Variants in SYT9 observed in about 807,000 individuals in gnomAD.
The protein encoded by SYT9 is synaptotagmin 9.
SYT9 carries 22 observed loss-of-function variants against 48.4 expected under a neutral mutation model. The ratio of observed to expected loss-of-function variants is 0.45; its 90% CI spans 0.32 to 0.65. The LOEUF (loss-of-function observed/expected upper bound fraction) is 0.65, where lower values mean the gene tolerates loss of function less well. Among genes scored for constraint, SYT9 ranks in the 30% least tolerant of loss-of-function variants. The pLI is 0.03. For synonymous variants in SYT9, 265 were observed against 245.0 expected (o/e 1.08, Z -0.76); for missense variants, 577 against 622.0 (o/e 0.93, Z 0.77).
At chr11:7,286,393 T>C (rs1848595342) in intron 1 of SYT9, among the ~76,000 whole-genome samples, 1 of 152,182 alleles carries the variant, frequency 6.6e-6, no homozygotes, top group African/African-American at 2.4e-5. Flanking sequence ...GTCCTGAGGC[T>C]GCACACAGCA....
At chr11:7,273,608 A>G (rs1848335463) in intron 1 of SYT9, among the ~76,000 whole-genome samples, 2 of 152,306 alleles carry the variant, frequency 1.3e-5, no homozygotes, top group East Asian at 1.9e-4. Context: ...TGGCCAGGAC[A>G]TGGCCTAATG....
intron 6 of SYT9, among the ~76,000 whole-genome samples, chr11:7,451,313 G>C (rs2134148462): frequency 6.6e-6 from 1 of 152,310 alleles, no homozygotes; most frequent in Non-Finnish European, 1.5e-5. Flanking sequence ...TGTGTTCTGT[G>C]TGGTTTTCCC....
chr11:7,403,111 T>C (rs567299504), intron 3 of SYT9, among the ~76,000 whole-genome samples: 26 of 152,340 alleles, frequency 1.7e-4, no homozygotes, highest in Admixed American at 1.6e-3. Flanking sequence ...GAAATTTTTG[T>C]CCTTGTCAAA....
At chr11:7,380,606 A>T (rs150172978) in intron 3 of SYT9, among the ~76,000 whole-genome samples, 1 of 151,208 alleles carries the variant, frequency 6.6e-6, no homozygotes, top group African/African-American at 2.4e-5. Flanking sequence ...AATAAAAAAT[A>T]TATAAGTAGC....
At chr11:7,460,815 T>A (rs1848222604) in intron 6 of SYT9, among the ~76,000 whole-genome samples, 1 of 152,238 alleles carries the variant, frequency 6.6e-6, no homozygotes, top group South Asian at 2.1e-4. Flanking sequence ...GCATCATTTA[T>A]AATTCTTATT....
chr11:7,314,076 C>CTTGTACCT, intron 3 of SYT9, 135 bp downstream of exon 3: 1 of 1,002,250 alleles, frequency 1.0e-6, no homozygotes, highest in Non-Finnish European at 1.5e-6. Flanking sequence ...TCAGAACCTC[C>CTTGTACCT]TTGTACCTTT....
intron 3 of SYT9, among the ~76,000 whole-genome samples, chr11:7,409,074 C>T (rs1226067347): frequency 2.0e-5 from 3 of 152,068 alleles, no homozygotes; most frequent in Admixed American, 6.5e-5. Flanking sequence ...AGACATGTTC[C>T]TTCTGCACTT....
chr11:7,403,483 T>C (rs1462368023), intron 3 of SYT9, among the ~76,000 whole-genome samples: 2 of 152,144 alleles, frequency 1.3e-5, no homozygotes, highest in African/African-American at 4.8e-5. Context: ...GCCTAGGAGA[T>C]TGAGGCTGCA....
chr11:7,402,333 A>G (rs1052167893), intron 3 of SYT9, among the ~76,000 whole-genome samples: 5 of 152,196 alleles, frequency 3.3e-5, no homozygotes, highest in Admixed American at 3.3e-4. Context: ...AGTGAATATC[A>G]GTTAGGTCAT....
Position 7,467,050 on chromosome 11 carries a change from C to A in SYT9, c.*250C>A. ...TGTCTCTCATGCCAAGAACCAAGATCGGACTATGAACAAAAACAAATGATA... is the reference window on the plus strand; with the variant it reads ...TGTCTCTCATGCCAAGAACCAAGATAGGACTATGAACAAAAACAAATGATA... On this transcript the variant is annotated 3_prime_UTR_variant, in exon 7 of 7. Coordinates refer to ENST00000318881, the MANE Select transcript of SYT9 (RefSeq NM_175733.4). 1.9e-6 allele frequency: 1 copy of A among 520,394 alleles called. No homozygotes were observed. The allele number at this position is 520,394 out of a possible 1,614,324, so 32.2% of individuals were successfully genotyped here.
chr11:7,282,241 T>C (rs1323213953), intron 1 of SYT9, among the ~76,000 whole-genome samples: 1 of 152,204 alleles, frequency 6.6e-6, no homozygotes, highest in Non-Finnish European at 1.5e-5. Flanking sequence ...ATAAGCAACA[T>C]TCTTTCATAT....
chr11:7,241,041 G>T (rs1847734515), intron 1 of SYT9, among the ~76,000 whole-genome samples: 1 of 151,976 alleles, frequency 6.6e-6, no homozygotes, highest in Non-Finnish European at 1.5e-5. Flanking sequence ...TCTTCTATGG[G>T]GAATAAAACA....
At chr11:7,429,692 G>A (rs1360391933) in intron 6 of SYT9, among the ~76,000 whole-genome samples, 2 of 152,156 alleles carry the variant, frequency 1.3e-5, no homozygotes, top group African/African-American at 4.8e-5. Flanking sequence ...CGCGAGATCA[G>A]CTCTTCTGCC....
chr11:7,302,244 A>G (rs79808255), intron 1 of SYT9, among the ~76,000 whole-genome samples: 4,704 of 152,320 alleles, frequency 0.031, 78 homozygotes, highest in African/African-American at 0.041. Flanking sequence ...TAGGTGGGGT[A>G]TATCTGAGGT....
At position 7,252,530 on chromosome 11, in the gene SYT9, C is replaced by A. The variant is rs1456014971; in HGVS notation, c.145+199C>A. ...GGGGACCCGGGCGGTGGCTACTGCA[C>A]GGAGGCCGACTCCGGGTCGGCTAGG... On this transcript the variant is annotated intron_variant, in intron 1 of 6. Coordinates refer to ENST00000318881, the MANE Select transcript of SYT9 (RefSeq NM_175733.4). This position sits in a 1 kb window ranked among gnomAD's most constrained non-coding sequence, Gnocchi z 6.3. Among the ~76,000 whole-genome samples the A allele has an allele frequency of 6.6e-6, 1 of 152,136 alleles. No homozygotes were observed. The highest frequency in any genetic ancestry group is 6.5e-5 in the Admixed American group (1 of 15,288).
intron 1 of SYT9, among the ~76,000 whole-genome samples, chr11:7,279,360 C>T (rs538743377): frequency 1.3e-5 from 2 of 151,826 alleles, no homozygotes; most frequent in Non-Finnish European, 2.9e-5. Context: ...TCTTTTTTTC[C>T]GTTGAGAACA....
intron 3 of SYT9, among the ~76,000 whole-genome samples, chr11:7,348,747 T>G (rs994688382): frequency 2.7e-5 from 4 of 148,440 alleles, no homozygotes; most frequent in Admixed American, 6.8e-5. Flanking sequence ...GGGTGGATTT[T>G]AGGAATTGAG....
rs754510681 is a variant in SYT9 at position 7,303,065 on chromosome 11, G to T, written c.172G>T (p.Val58Leu). Residue 58 changes from valine to leucine, a missense_variant, in exon 2 of 7, where the codon GTG (valine) becomes TTG (leucine). Physicochemically the swap from Val to Leu is conservative, Grantham distance 32. Coordinates refer to ENST00000318881, the MANE Select transcript of SYT9 (RefSeq NM_175733.4). ...TATCTCAGTGAGCCTGCTGACCCTT[G>T]TGGTCACTGCCTGTGGTCTCGCTCT... ...PDISVSLLTL[V>L]VTACGLALFG... 1.2e-6 allele frequency: 2 copies of T among 1,614,164 alleles called. No individual in the cohort carries two copies. The highest frequency in any genetic ancestry group is 1.7e-6 in the Non-Finnish European group (2 of 1,180,028).
intron 3 of SYT9, among the ~76,000 whole-genome samples, chr11:7,344,371 T>C (rs1331450140): frequency 6.6e-6 from 1 of 151,728 alleles, no homozygotes; most frequent in Non-Finnish European, 1.5e-5. Context: ...CTTAACACTT[T>C]CTTTTGAAAG....
Sources: allele counts gnomAD v4.1 joint callset (sites outside exome capture counted in the v4.1 genomes callset), GRCh38; gene constraint gnomAD v4.1.1; non-coding constraint Gnocchi (gnomAD v3.1); transcripts MANE v1.5; gene names NCBI Gene and HGNC (gene_info 2026-07-23, HGNC 2026-07-21).